NRXN1: variants seen among roughly 807,000 people sequenced by gnomAD.
NRXN1 encodes the protein neurexin 1, also known as neurexin-1.
A neutral mutation model predicts 150.9 loss-of-function variants in NRXN1; 39 were observed. The ratio of observed to expected loss-of-function variants is 0.26; its 90% CI spans 0.20 to 0.34. NRXN1 has a LOEUF of 0.34. NRXN1 is among the 10% of genes least tolerant of loss of function. The pLI is 1.00. For synonymous variants in NRXN1, 924 were observed against 757.0 expected (o/e 1.22, Z -3.62); for missense variants, 1,815 against 1,949.9 (o/e 0.93, Z 1.30).
chr2:49,919,469 A>G lies in NRXN1; in HGVS notation c.*2475T>C, dbSNP rs975764763. ...TTTCATAGATATACTGCTTAAAATT[A>G]CCATTATTCAATTTATTTTCTATTA... On this transcript the variant is annotated 3_prime_UTR_variant, in exon 23 of 23. Coordinates refer to ENST00000401669, the MANE Select transcript of NRXN1 (RefSeq NM_001330078.2). The G allele has an allele frequency of 4.6e-5, 7 of 152,072 alleles. No individual in the cohort carries two copies. The highest frequency in any genetic ancestry group is 1.4e-4 in the African/African-American group (6 of 41,436). The allele number at this position is 152,072 out of a possible 1,614,324, so 9.4% of individuals were successfully genotyped here. A position where few individuals can be genotyped will look rare whatever the true frequency, so the allele number is the denominator to read the frequency against.
Position 50,941,941 on chromosome 2 carries a change from AG to A in NRXN1, c.773-15987del, listed in dbSNP as rs1689517142. On this transcript the variant is annotated intron_variant, in intron 2 of 22. Coordinates refer to ENST00000401669, the MANE Select transcript of NRXN1 (RefSeq NM_001330078.2). Reference sequence around the variant, plus strand: ...CAGGACATTTAGTATATCTTTGGGTAGCCCCTCCCATCAGAGGCCTTGAGGC... The same window carrying A: ...CAGGACATTTAGTATATCTTTGGGTACCCCTCCCATCAGAGGCCTTGAGGC... 2.0e-5 allele frequency among the ~76,000 whole-genome samples: 3 copies of A among 152,332 alleles called. No homozygotes were observed. In the South Asian group the frequency reaches 6.2e-4, roughly 32 times the overall value.
intron 21 of NRXN1, among the ~76,000 whole-genome samples, chr2:50,051,951 G>A (rs1692779770): frequency 6.6e-6 from 1 of 151,956 alleles, no homozygotes; most frequent in Admixed American, 6.6e-5. Flanking sequence ...GCACATGTAG[G>A]TACAATATAT....
chr2:50,330,143 G>A (rs185250177), intron 17 of NRXN1, among the ~76,000 whole-genome samples: 136 of 151,918 alleles, frequency 9.0e-4, no homozygotes, highest in African/African-American at 3.2e-3. Context: ...TTTTAAAAAG[G>A]TTGCAATACA....
At chr2:50,671,265 T>C (rs573901437) in intron 5 of NRXN1, among the ~76,000 whole-genome samples, 1 of 151,922 alleles carries the variant, frequency 6.6e-6, no homozygotes, top group Non-Finnish European at 1.5e-5. Context: ...AAAAGACTAA[T>C]AACTTTTCTA....
intron 5 of NRXN1, among the ~76,000 whole-genome samples, chr2:50,838,722 G>A (rs1289911784): frequency 5.9e-5 from 9 of 152,000 alleles, no homozygotes; most frequent in Admixed American, 5.9e-4. Flanking sequence ...GAACACCAAG[G>A]ACCACCAGGG....
intron 15 of NRXN1, among the ~76,000 whole-genome samples, chr2:50,487,151 C>A (rs1434511177): frequency 6.6e-6 from 1 of 152,078 alleles, no homozygotes. Flanking sequence ...ATATATGTAG[C>A]TGTCTTACCT....
At chr2:50,431,119 T>A (rs2084929612) in intron 17 of NRXN1, among the ~76,000 whole-genome samples, 1 of 152,210 alleles carries the variant, frequency 6.6e-6, no homozygotes, top group African/African-American at 2.4e-5. Flanking sequence ...CCTTTCTACC[T>A]GATCTGATCT....
At chr2:50,138,157 C>T (rs1558955725) in intron 18 of NRXN1, among the ~76,000 whole-genome samples, 1 of 152,174 alleles carries the variant, frequency 6.6e-6, no homozygotes, top group Non-Finnish European at 1.5e-5. Flanking sequence ...TGCCCTTCCA[C>T]ATATTTCATT....
chr2:50,153,234 T>C (rs188397494), intron 18 of NRXN1, among the ~76,000 whole-genome samples: 12 of 151,802 alleles, frequency 7.9e-5, no homozygotes, highest in African/African-American at 2.4e-4. Flanking sequence ...TGTTCATTCA[T>C]AGTTTTTTTC....
Position 50,601,386 on chromosome 2 carries a change from GT to G in NRXN1, c.1320+18635del, listed in dbSNP as rs1676247165. Among the ~76,000 whole-genome samples the G allele has an allele frequency of 3.3e-5, 5 of 152,250 alleles. No homozygotes were observed. In the South Asian group the frequency reaches 1.0e-3, roughly 32 times the overall value. ...TGTTCTTCAAGTAGTATAATACGTGGTTTGACATGCATGCTAGACACCTGTT... is the reference window on the plus strand; with the variant it reads ...TGTTCTTCAAGTAGTATAATACGTGGTTGACATGCATGCTAGACACCTGTT... On this transcript the variant is annotated intron_variant, in intron 8 of 22. Transcript: ENST00000401669.
intron 18 of NRXN1, among the ~76,000 whole-genome samples, chr2:50,099,108 T>TTAA (rs1320847654): frequency 6.6e-6 from 1 of 152,048 alleles, no homozygotes; most frequent in Non-Finnish European, 1.5e-5. Context: ...GGCAGCGATA[T>TTAA]TAACTTCCTG....
intron 5 of NRXN1, among the ~76,000 whole-genome samples, chr2:50,855,748 A>G (rs562554183): frequency 2.0e-4 from 31 of 152,082 alleles, no homozygotes; most frequent in Non-Finnish European, 4.3e-4. Context: ...GGAAAGGACA[A>G]ACATTCATTG....
At chr2:50,702,197 G>A (rs1324531986) in intron 5 of NRXN1, among the ~76,000 whole-genome samples, 1 of 152,048 alleles carries the variant, frequency 6.6e-6, no homozygotes, top group Non-Finnish European at 1.5e-5. Context: ...GCTCAGAGAA[G>A]TGGATATAAC....
At chr2:50,217,218 A>G (rs2063462400) in intron 18 of NRXN1, among the ~76,000 whole-genome samples, 1 of 152,062 alleles carries the variant, frequency 6.6e-6, no homozygotes, top group African/African-American at 2.4e-5. Flanking sequence ...ACCAAAATAA[A>G]TATGTTTTAC....
chr2:50,806,770 T>C (rs1667569481), intron 5 of NRXN1, among the ~76,000 whole-genome samples: 1 of 152,182 alleles, frequency 6.6e-6, no homozygotes. Flanking sequence ...CTCGTACTAG[T>C]CCTGCCTAAA....
intron 19 of NRXN1, among the ~76,000 whole-genome samples, chr2:50,078,162 C>G (rs185468600): frequency 6.6e-6 from 1 of 151,930 alleles, no homozygotes; most frequent in Admixed American, 6.6e-5. Flanking sequence ...TAAGTTACAC[C>G]TTTGGATTGT....
At chr2:50,239,643 T>C (rs1485712584) in intron 17 of NRXN1, among the ~76,000 whole-genome samples, 2 of 124,316 alleles carry the variant, frequency 1.6e-5, no homozygotes, top group Non-Finnish European at 3.3e-5. Context: ...ATAAAACCCA[T>C]ATCCTGATAC....
At chr2:50,303,597 T>C (rs1160421717) in intron 17 of NRXN1, among the ~76,000 whole-genome samples, 2 of 152,170 alleles carry the variant, frequency 1.3e-5, no homozygotes, top group Non-Finnish European at 2.9e-5. Flanking sequence ...CTCTGTGTTA[T>C]AAATATTCTC....
intron 22 of NRXN1, among the ~76,000 whole-genome samples, chr2:49,928,147 T>C (rs1396680625): frequency 6.6e-6 from 1 of 151,554 alleles, no homozygotes; most frequent in East Asian, 1.9e-4. Flanking sequence ...AAACATAGGC[T>C]ATATATTTAA....
Sources: allele counts gnomAD v4.1 joint callset (sites outside exome capture counted in the v4.1 genomes callset), GRCh38; gene constraint gnomAD v4.1.1; transcripts MANE v1.5; gene names NCBI Gene and HGNC (gene_info 2026-07-23, HGNC 2026-07-21).